Variants in PTPRD observed in about 807,000 individuals in gnomAD.
The protein encoded by PTPRD is protein tyrosine phosphatase receptor type D, also known as receptor-type tyrosine-protein phosphatase delta.
A neutral mutation model predicts 214.5 loss-of-function variants in PTPRD; 34 were observed. That is an observed-to-expected ratio of 0.16 (90% CI 0.12 to 0.21). PTPRD has a LOEUF of 0.21. Ranked by LOEUF, PTPRD falls within the 10% of genes least tolerant of loss-of-function variation. PTPRD has a pLI of 1.00. For synonymous variants in PTPRD, 1,128 were observed against 845.7 expected (o/e 1.33, Z -5.79); for missense variants, 2,545 against 2,398.7 (o/e 1.06, Z -1.27).
chr9:10,034,754 G>T lies in PTPRD; in HGVS notation c.-544-964C>A, dbSNP rs149464041. Among the ~76,000 whole-genome samples, 613 of 152,152 alleles carry T rather than the reference G, an allele frequency of 4.0e-3. 8 individuals carry two copies. Among genetic ancestry groups the T allele is most frequent in the African/African-American group, 0.014 (566 of 41,508 alleles). Reference sequence around the variant, plus strand: ...TCCAACAAAGTCCTGCACAGGAAATGATTTTGTTCTTTTTTATGGCTGCAT... The same window carrying T: ...TCCAACAAAGTCCTGCACAGGAAATTATTTTGTTCTTTTTTATGGCTGCAT... On this transcript the variant is annotated intron_variant, in intron 3 of 45. Transcript: ENST00000381196.
At chr9:10,438,270 G>T (rs1042654984) in intron 2 of PTPRD, among the ~76,000 whole-genome samples, 3 of 151,330 alleles carry the variant, frequency 2.0e-5, no homozygotes, top group African/African-American at 7.3e-5. Flanking sequence ...TAACCTCATC[G>T]TGTGTCAAGG....
At chr9:8,321,942 G>C (rs1828743880) in intron 44 of PTPRD, among the ~76,000 whole-genome samples, 1 of 151,968 alleles carries the variant, frequency 6.6e-6, no homozygotes, top group African/African-American at 2.4e-5. Context: ...TACTTGGTTT[G>C]TGTCTCTGTG....
chr9:8,744,682 C>T (rs2092582427), intron 11 of PTPRD, among the ~76,000 whole-genome samples: 1 of 152,210 alleles, frequency 6.6e-6, no homozygotes, highest in Admixed American at 6.5e-5. Context: ...TAAAAGATTA[C>T]ACATTGGGTG....
At chr9:9,209,718 A>G (rs2099947296) in intron 9 of PTPRD, among the ~76,000 whole-genome samples, 1 of 152,172 alleles carries the variant, frequency 6.6e-6, no homozygotes. Flanking sequence ...AATTCATTAT[A>G]CTATTCTGTT....
intron 10 of PTPRD, among the ~76,000 whole-genome samples, chr9:9,170,702 T>G (rs553381256): frequency 6.6e-6 from 1 of 152,270 alleles, no homozygotes; most frequent in Admixed American, 6.5e-5. Flanking sequence ...AAAAGATGAT[T>G]TGACAAAAAG....
At chr9:10,218,465 A>T (rs2099551602) in intron 3 of PTPRD, among the ~76,000 whole-genome samples, 2 of 151,926 alleles carry the variant, frequency 1.3e-5, no homozygotes, top group Non-Finnish European at 2.9e-5. Flanking sequence ...CAAAATTTTT[A>T]GCCTTTAGTA....
intron 2 of PTPRD, among the ~76,000 whole-genome samples, chr9:10,452,674 T>C (rs1355732322): frequency 6.6e-6 from 1 of 151,860 alleles, no homozygotes; most frequent in African/African-American, 2.4e-5. Context: ...ATTTGTTTCA[T>C]TTCGTTTTGT....
At chr9:8,905,984 A>G (rs2098705212) in intron 11 of PTPRD, among the ~76,000 whole-genome samples, 1 of 152,208 alleles carries the variant, frequency 6.6e-6, no homozygotes, top group South Asian at 2.1e-4. Context: ...TTCCAAGTTT[A>G]GTCTTAAGTG....
intron 2 of PTPRD, among the ~76,000 whole-genome samples, chr9:10,428,157 A>C (rs1395391331): frequency 6.6e-6 from 1 of 151,976 alleles, no homozygotes; most frequent in East Asian, 1.9e-4. Context: ...TCTACTAAAA[A>C]TAAAAAAATA....
chr9:9,923,829 G>A (rs563493380), intron 5 of PTPRD, among the ~76,000 whole-genome samples: 50 of 151,916 alleles, frequency 3.3e-4, no homozygotes, highest in African/African-American at 1.2e-3. Context: ...CAAATATGAG[G>A]TATTGAAATC....
intron 5 of PTPRD, among the ~76,000 whole-genome samples, chr9:9,926,566 A>G (rs925303215): frequency 3.9e-5 from 6 of 152,188 alleles, no homozygotes; most frequent in African/African-American, 1.4e-4. Flanking sequence ...ATGATTTAAA[A>G]TTTCACTGAA....
In PTPRD at chr9:10,135,602, A is replaced by G. The variant is rs189064495; in HGVS notation, c.-544-101812T>C. ...GCATCCTTAAAGAAGCAAAATTTCA[A>G]CCAAGAATTTCATGTTCAACCAGAC... is the stretch of plus-strand genomic sequence containing the variant. On this transcript the variant is annotated intron_variant, in intron 3 of 45. Coordinates refer to ENST00000381196, the MANE Select transcript of PTPRD (RefSeq NM_002839.4). Among the ~76,000 whole-genome samples the G allele has an allele frequency of 1.9e-4, 29 of 152,282 alleles. No homozygotes were observed. In the East Asian group the frequency reaches 5.4e-3, roughly 28 times the overall value.
chr9:10,292,395 C>A (rs1178267250), intron 3 of PTPRD, among the ~76,000 whole-genome samples: 2 of 151,990 alleles, frequency 1.3e-5, no homozygotes, highest in East Asian at 1.9e-4. Flanking sequence ...AAAATATATA[C>A]AATGGATCAT....
intron 11 of PTPRD, among the ~76,000 whole-genome samples, chr9:8,827,767 T>C (rs554295838): frequency 6.6e-6 from 1 of 152,322 alleles, no homozygotes; most frequent in East Asian, 1.9e-4. Flanking sequence ...TATTATTGTT[T>C]ACTAGTGATT....
intron 3 of PTPRD, among the ~76,000 whole-genome samples, chr9:10,097,986 T>A (rs1358999335): frequency 6.6e-6 from 1 of 151,826 alleles, no homozygotes; most frequent in Non-Finnish European, 1.5e-5. Flanking sequence ...AGCCATCCCA[T>A]TACGGGGTAC....
chr9:9,257,756 T>C (rs2099978347), intron 9 of PTPRD, among the ~76,000 whole-genome samples: 1 of 151,844 alleles, frequency 6.6e-6, no homozygotes, highest in Non-Finnish European at 1.5e-5. Context: ...TGCACTCCAG[T>C]CTGGATGACA....
chr9:10,182,782 T>C (rs1200632677), intron 3 of PTPRD, among the ~76,000 whole-genome samples: 2 of 152,182 alleles, frequency 1.3e-5, no homozygotes, highest in East Asian at 3.9e-4. Flanking sequence ...TATAAATTAG[T>C]GCAATCATCC....
At chr9:9,576,012 A>T (rs1185338285) in intron 7 of PTPRD, among the ~76,000 whole-genome samples, 1 of 152,110 alleles carries the variant, frequency 6.6e-6, no homozygotes, top group African/African-American at 2.4e-5. Context: ...TAGGTCTACA[A>T]GTAGGTGCTC....
At chr9:8,562,176 G>C (rs907755090) in intron 14 of PTPRD, among the ~76,000 whole-genome samples, 1 of 152,168 alleles carries the variant, frequency 6.6e-6, no homozygotes, top group East Asian at 1.9e-4. Context: ...ATTTCCTATA[G>C]GCATCAATAA....
Sources: allele counts gnomAD v4.1 joint callset (sites outside exome capture counted in the v4.1 genomes callset), GRCh38; gene constraint gnomAD v4.1.1; transcripts MANE v1.5; gene names NCBI Gene and HGNC (gene_info 2026-07-23, HGNC 2026-07-21).